ERCC8: variants seen among roughly 807,000 people sequenced by gnomAD.
The protein encoded by ERCC8 is ERCC excision repair 8, CSA ubiquitin ligase complex subunit, also known as DNA excision repair protein ERCC-8.
A neutral mutation model predicts 54.9 loss-of-function variants in ERCC8; 52 were observed. The observed-to-expected ratio is 0.95, with a 90% CI of 0.76 to 1.19. ERCC8 has a LOEUF of 1.19. ERCC8 is among the 50% of genes most tolerant of loss of function. The pLI, the probability that ERCC8 is intolerant of heterozygous loss-of-function variation, is 0.00. For synonymous variants in ERCC8, 146 were observed against 157.2 expected, an observed-to-expected ratio of 0.93 and a Z score of 0.53; for missense variants, 514 against 466.1, an observed-to-expected ratio of 1.10 and a Z score of -0.95.
rs1482172420 is a variant in ERCC8, at chr5:60,867,481, G to A, written c.*7134C>T. Among the ~76,000 whole-genome samples the A allele has an allele frequency of 6.6e-6, 1 of 152,164 alleles. No individual in the cohort carries two copies. Among genetic ancestry groups the A allele is most frequent in the Non-Finnish European group, 1.5e-5 (1 of 68,038 alleles). On this transcript the variant is annotated 3_prime_UTR_variant, in exon 12 of 12. Transcript: ENST00000676185. ...ATCTTACCATTCTTTAATGTCCATA[G>A]TGATCATCACTGAGTTATTCTAATA... is the stretch of plus-strand genomic sequence containing the variant.
At chr5:60,898,508 A>G in intron 8 of ERCC8, 108 bp from the exon 9 acceptor site, 1 of 1,249,252 alleles carries the variant, frequency 8.0e-7, no homozygotes, top group Non-Finnish European at 1.2e-6. Context: ...AGTTACTTAA[A>G]AAATGTAAGT....
At chr5:60,879,848 G>A (rs532460282) in intron 11 of ERCC8, among the ~76,000 whole-genome samples, 17 of 152,308 alleles carry the variant, frequency 1.1e-4, no homozygotes, top group African/African-American at 3.8e-4. Context: ...TTTAATTGGA[G>A]CAGTTAGCCC....
Position 60,915,483 on chromosome 5 carries a change from C to G in ERCC8, c.399+2782G>C, listed in dbSNP as rs936214025. On this transcript the variant is annotated intron_variant, in intron 4 of 11. Transcript: ENST00000676185. ...AAGTACTTACTGTACTTAGTAAGTA[C>G]CACATACTTAGTAATTTATAACACA... Among the ~76,000 whole-genome samples, 40 of 151,936 alleles carry G rather than the reference C, an allele frequency of 2.6e-4. 1 individual carries two copies. Among genetic ancestry groups the G allele is most frequent in the African/African-American group, 9.4e-4 (39 of 41,320 alleles).
chr5:60,899,234 C>T (rs957113517), intron 8 of ERCC8, among the ~76,000 whole-genome samples: 6 of 151,914 alleles, frequency 3.9e-5, no homozygotes, highest in Non-Finnish European at 8.8e-5. Flanking sequence ...ACATGGATTG[C>T]AGCTGACTCA....
At chr5:60,912,331 G>A (rs1749292368) in intron 4 of ERCC8, among the ~76,000 whole-genome samples, 2 of 152,036 alleles carry the variant, frequency 1.3e-5, no homozygotes, top group African/African-American at 4.8e-5. Context: ...TGGACTTCTA[G>A]GTATTTCATT....
intron 4 of ERCC8, among the ~76,000 whole-genome samples, chr5:60,906,590 G>A (rs1386430291): frequency 6.6e-6 from 1 of 151,864 alleles, no homozygotes; most frequent in Non-Finnish European, 1.5e-5. Context: ...TTAGCTGGGC[G>A]TGGTGGCAGG....
At position 60,868,335 on chromosome 5, in the gene ERCC8, G is replaced by A. The variant is rs886760613; in HGVS notation, c.*6280C>T. Among the ~76,000 whole-genome samples, 2 of 152,182 alleles carry A rather than the reference G, an allele frequency of 1.3e-5. No individual in the cohort carries two copies. Among genetic ancestry groups the A allele is most frequent in the African/African-American group, 4.8e-5 (2 of 41,454 alleles). On this transcript the variant is annotated 3_prime_UTR_variant, in exon 12 of 12. Transcript: ENST00000676185. Reference sequence around the variant, plus strand: ...ACCCATTTCTTTCTAGACCTCAGAAGAGCATGAACTCGGAGAGCGGTTATC... The same window carrying A: ...ACCCATTTCTTTCTAGACCTCAGAAAAGCATGAACTCGGAGAGCGGTTATC...
At chr5:60,937,758 C>T (rs1750110504) in intron 1 of ERCC8, among the ~76,000 whole-genome samples, 1 of 152,102 alleles carries the variant, frequency 6.6e-6, no homozygotes, top group Non-Finnish European at 1.5e-5. Context: ...CTTGGCTGTC[C>T]CACAGTGCCT....
Position 60,890,877 on chromosome 5 carries a change from T to C in ERCC8, c.1041+12A>G. ...GCTAGCTGAACATTTTAAATTCCTG[T>C]ATCACTCTTACCTGGAAATTTGACT... On this transcript the variant is annotated intron_variant, in intron 10 of 11. Coordinates refer to ENST00000676185, the MANE Select transcript of ERCC8 (RefSeq NM_000082.4). The C allele has an allele frequency of 6.3e-7, 1 of 1,599,290 alleles. No homozygotes were observed. Among genetic ancestry groups the C allele is most frequent in the Non-Finnish European group, 8.6e-7 (1 of 1,166,914 alleles).
intron 1 of ERCC8, among the ~76,000 whole-genome samples, chr5:60,938,645 C>T (rs897528987): frequency 7.2e-5 from 11 of 152,202 alleles, no homozygotes; most frequent in South Asian, 2.1e-4. Flanking sequence ...TGAGCCACAG[C>T]GCCCGGCTGA....
intron 11 of ERCC8, among the ~76,000 whole-genome samples, chr5:60,885,504 C>T (rs1357520443): frequency 1.3e-5 from 2 of 151,970 alleles, no homozygotes; most frequent in African/African-American, 4.8e-5. Context: ...GAGCAGGACA[C>T]AATAATTACA....
chr5:60,928,010 C>T (rs1318885847), intron 2 of ERCC8, among the ~76,000 whole-genome samples: 1 of 152,124 alleles, frequency 6.6e-6, no homozygotes, highest in Non-Finnish European at 1.5e-5. Flanking sequence ...ACACCAAAAA[C>T]TGTTTCCTTT....
Position 60,898,280 on chromosome 5 carries a change from G to T in ERCC8, c.839C>A (p.Thr280Lys), listed in dbSNP as rs61754098. 3,953 of 1,613,264 alleles carry T rather than the reference G, an allele frequency of 2.5e-3. 15 individuals are homozygous for T. Among genetic ancestry groups the T allele is most frequent in the Non-Finnish European group, 2.9e-3 (3,425 of 1,179,406 alleles). Residue 280 changes from threonine to lysine, a missense_variant, in exon 9 of 12, where the codon ACA becomes AAA. By Grantham distance (78) the Thr-to-Lys change is moderately conservative. Coordinates refer to ENST00000676185, the MANE Select transcript of ERCC8 (RefSeq NM_000082.4). The part of the protein sequence containing the change: ...RLWNSSNGEN[T>K]LVNYGKVCNN... ...ATATACTTAAAAATCTCTTACAAGT[G>T]TGTTTTCTCCATTGGAACTATTCCA...
intron 9 of ERCC8, among the ~76,000 whole-genome samples, chr5:60,895,539 G>A (rs1748700410): frequency 6.6e-6 from 1 of 152,014 alleles, no homozygotes; most frequent in Non-Finnish European, 1.5e-5. Context: ...GTTATGTATC[G>A]TGAAAAAGCA....
At chr5:60,875,855 C>T (rs139968741) in intron 11 of ERCC8, among the ~76,000 whole-genome samples, 2,013 of 151,582 alleles carry the variant, frequency 0.013, 49 homozygotes, top group African/African-American at 0.047. Flanking sequence ...TGCCACCACG[C>T]CTGGATAATT....
chr5:60,931,066 G>GC, intron 1 of ERCC8, among the ~76,000 whole-genome samples: 1 of 151,510 alleles, frequency 6.6e-6, no homozygotes, highest in East Asian at 1.9e-4. Context: ...CTGAGATCAT[G>GC]CCACTGCACT....
intron 7 of ERCC8, among the ~76,000 whole-genome samples, chr5:60,901,240 C>G (rs1748895878): frequency 6.6e-6 from 1 of 151,916 alleles, no homozygotes; most frequent in Non-Finnish European, 1.5e-5. Flanking sequence ...GATCCTTGAT[C>G]CCTCCTACAA....
At chr5:60,941,434 C>T (rs933661594) in intron 1 of ERCC8, among the ~76,000 whole-genome samples, 3 of 151,856 alleles carry the variant, frequency 2.0e-5, no homozygotes, top group Admixed American at 1.3e-4. Flanking sequence ...ATCAGAGGAA[C>T]AATTATAAAA....
intron 1 of ERCC8, among the ~76,000 whole-genome samples, chr5:60,941,049 C>T (rs935627168): frequency 1.2e-4 from 18 of 152,008 alleles, no homozygotes; most frequent in African/African-American, 3.9e-4. Context: ...CATGGTGGCC[C>T]GAGCCTGTAA....
Sources: gnomAD v4.1 joint callset for allele counts (sites outside exome capture counted in the v4.1 genomes callset) on GRCh38, gnomAD v4.1.1 for gene constraint, MANE v1.5 for transcripts, NCBI Gene and HGNC (gene_info 2026-07-23, HGNC 2026-07-21) for gene names.